The following CEP112 variants were observed in gnomAD, a reference collection of about 807,000 sequenced individuals.
The protein encoded by CEP112 is centrosomal protein of 112 kDa.
Under a neutral mutation model 153.0 loss-of-function variants are expected in CEP112, and 127 were observed. That is an observed-to-expected ratio of 0.83 (90% CI 0.72 to 0.96). The LOEUF (loss-of-function observed/expected upper bound fraction) is 0.96, where lower values mean the gene tolerates loss of function less well. CEP112 is among the 40% of genes least tolerant of loss of function. CEP112 has a pLI of 0.00. For missense variants in CEP112, 1,089 were observed against 1,101.2 expected (o/e 0.99, Z 0.16); for synonymous variants, 358 against 374.4 (o/e 0.96, Z 0.51).
chr17:66,091,777 CA>C (rs2068140685), intron 8 of CEP112, among the ~76,000 whole-genome samples: 1 of 151,452 alleles, frequency 6.6e-6, no homozygotes, highest in Non-Finnish European at 1.5e-5. Context: ...ACAAAATTGA[CA>C]AAACTTTAGC....
chr17:66,029,104 C>T lies in CEP112; in HGVS notation c.1503+19G>A. The T allele has an allele frequency of 6.4e-7, 1 of 1,556,740 alleles. No homozygotes were observed. Among genetic ancestry groups the T allele is most frequent in the East Asian group, 2.3e-5 (1 of 44,378 alleles). On this transcript the variant is annotated intron_variant, in intron 14 of 26. Coordinates refer to ENST00000535342, the MANE Select transcript of CEP112 (RefSeq NM_001199165.4). ...TGAATAAATACTTCATGTGGATTATCTATTAACATAAATAATACCTTAGAA... is the reference window on the plus strand; with the variant it reads ...TGAATAAATACTTCATGTGGATTATTTATTAACATAAATAATACCTTAGAA...
chr17:66,096,680 T>A (rs2068360542), intron 6 of CEP112, 48 bp from the exon 7 acceptor site: 2 of 1,180,826 alleles, frequency 1.7e-6, no homozygotes, highest in Non-Finnish European at 1.2e-6. Flanking sequence ...AATTTTGGAG[T>A]TTTAATTATT....
At chr17:66,057,209 C>A (rs891556328) in intron 11 of CEP112, among the ~76,000 whole-genome samples, 4 of 152,112 alleles carry the variant, frequency 2.6e-5, no homozygotes, top group African/African-American at 9.7e-5. Flanking sequence ...TACAGGTGAT[C>A]TAGGCAAGAG....
chr17:65,656,391 G>T (rs1246810863), intron 24 of CEP112, among the ~76,000 whole-genome samples: 1 of 152,208 alleles, frequency 6.6e-6, no homozygotes, highest in Non-Finnish European at 1.5e-5. Flanking sequence ...GTTTGGGTTA[G>T]ATTTTCTGTC....
chr17:65,686,863 A>AGT (rs1234209938), intron 24 of CEP112, among the ~76,000 whole-genome samples: 2 of 79,240 alleles, frequency 2.5e-5, no homozygotes, highest in African/African-American at 2.8e-4. Context: ...ATTGCTATCC[A>AGT]GTTTTTTTTT....
intron 21 of CEP112, among the ~76,000 whole-genome samples, chr17:65,821,113 G>GAA (rs58515818): frequency 6.8e-6 from 1 of 146,382 alleles, no homozygotes. Flanking sequence ...AATACATTCT[G>GAA]AAAAAAAAAA....
rs937173183 is a variant in CEP112 at position 66,150,501 on chromosome 17, G to A, written c.471-17738C>T. On this transcript the variant is annotated intron_variant, in intron 4 of 26. Transcript: ENST00000535342. ...CTGCCTCATCCTCCCAAACTGCTGG[G>A]ATTATAGGCGTGAGCCATCGCACCC... Among the ~76,000 whole-genome samples the A allele has an allele frequency of 2.0e-5, 3 of 152,206 alleles. No individual in the cohort carries two copies. The South Asian group carries it at 6.2e-4, about 31-fold the overall frequency.
chr17:65,752,701 G>C (rs1397239144), intron 21 of CEP112, among the ~76,000 whole-genome samples: 1 of 152,064 alleles, frequency 6.6e-6, no homozygotes, highest in East Asian at 1.9e-4. Context: ...CCTTCCCAAA[G>C]TTCTACCACA....
At chr17:65,764,424 AG>A in intron 21 of CEP112, among the ~76,000 whole-genome samples, 1 of 152,364 alleles carries the variant, frequency 6.6e-6, no homozygotes, top group African/African-American at 2.4e-5. Flanking sequence ...TTATATATTT[AG>A]GTGCTCTAAT....
chr17:65,705,628 G>A (rs1598359794), intron 23 of CEP112, among the ~76,000 whole-genome samples: 1 of 152,156 alleles, frequency 6.6e-6, no homozygotes, highest in Admixed American at 6.5e-5. Flanking sequence ...AAGGAAGCAG[G>A]CAGATAAATC....
In CEP112 at chr17:65,636,058, T is replaced by C. The variant is rs1598147956; in HGVS notation, c.2865-84A>G. Reference sequence around the variant, plus strand: ...AAAATAAGCTTCAATTCTGGAGAAGTTGATAGGGGTTGAAAAGGCTATTTG... The same window carrying C: ...AAAATAAGCTTCAATTCTGGAGAAGCTGATAGGGGTTGAAAAGGCTATTTG... On this transcript the variant is annotated intron_variant, in intron 26 of 26. Transcript: ENST00000535342. 10 of 1,330,824 alleles carry C rather than the reference T, an allele frequency of 7.5e-6. 1 individual carries two copies. In the Admixed American group the frequency reaches 1.2e-4, roughly 16 times the overall value. 82.4% of individuals were successfully genotyped at this position (1,330,824 alleles called of 1,614,324 possible). A position where few individuals can be genotyped will look rare whatever the true frequency, so the allele number is the denominator to read the frequency against.
intron 21 of CEP112, chr17:65,804,380 T>C (rs753140938): frequency 6.6e-6 from 1 of 152,182 alleles, no homozygotes; most frequent in Admixed American, 6.5e-5. Flanking sequence ...GATGAATACA[T>C]CTAATTACTC....
At chr17:66,106,035 T>C (rs1282281776) in intron 6 of CEP112, among the ~76,000 whole-genome samples, 1 of 151,894 alleles carries the variant, frequency 6.6e-6, no homozygotes, top group Non-Finnish European at 1.5e-5. Context: ...AAATTAAATA[T>C]GCTCCTGAAT....
At chr17:65,998,173 G>A (rs1307351907) in intron 17 of CEP112, among the ~76,000 whole-genome samples, 1 of 151,832 alleles carries the variant, frequency 6.6e-6, no homozygotes, top group Non-Finnish European at 1.5e-5. Context: ...TTGAGCTCAG[G>A]AGTTTGAGAC....
At chr17:66,074,444 T>A (rs7210420) in intron 8 of CEP112, among the ~76,000 whole-genome samples, 18 of 152,168 alleles carry the variant, frequency 1.2e-4, no homozygotes, top group Admixed American at 9.2e-4. Context: ...TGGCCAAAAA[T>A]TTCCCAAGTT....
chr17:65,875,962 GTT>G (rs1313452372), intron 20 of CEP112, among the ~76,000 whole-genome samples: 1 of 152,178 alleles, frequency 6.6e-6, no homozygotes, highest in Non-Finnish European at 1.5e-5. Context: ...GTTTCTGGCA[GTT>G]TTTTGTTTCT....
chr17:65,915,787 CAAAAAAAAAAAAA>C (rs755351021), intron 19 of CEP112, among the ~76,000 whole-genome samples: 10 of 56,588 alleles, frequency 1.8e-4, no homozygotes, highest in African/African-American at 6.1e-4. Flanking sequence ...GACTCAAACT[CAAAAAAAAAAAAA>C]AAAAAAAAGA....
Position 66,027,518 on chromosome 17 carries a change from GT to G in CEP112, c.1638del (p.Lys546AsnfsTer33). 1 of 1,332,422 alleles carries G rather than the reference GT, an allele frequency of 7.5e-7. No individual in the cohort carries two copies. Among genetic ancestry groups the G allele is most frequent in the Admixed American group, 3.0e-5 (1 of 33,370 alleles). The allele number at this position is 1,332,422 out of a possible 1,614,324, so 82.5% of individuals were successfully genotyped here. A position where few individuals can be genotyped will look rare whatever the true frequency, so the allele number is the denominator to read the frequency against. ...NKFQMEKSHL[K>X]HIYEKKAHDL... The stretch of plus-strand genomic sequence containing the variant: ...CATATTACCTTTTTTTCATAGATGT[GT>G]TTTAAATGACTTTTCTCCATCTGAA... On this transcript the variant is annotated frameshift_variant, in exon 16 of 27. Coordinates refer to ENST00000535342, the MANE Select transcript of CEP112 (RefSeq NM_001199165.4). LOFTEE classifies it high-confidence loss of function.
intron 12 of CEP112, among the ~76,000 whole-genome samples, chr17:66,030,421 T>C (rs2065414919): frequency 6.6e-6 from 1 of 152,202 alleles, no homozygotes. Flanking sequence ...TTTTAAGTTT[T>C]TGAAATGTGT....
Sources: allele counts gnomAD v4.1 joint callset (sites outside exome capture counted in the v4.1 genomes callset), GRCh38; gene constraint gnomAD v4.1.1; transcripts MANE v1.5; gene names NCBI Gene and HGNC (gene_info 2026-07-23, HGNC 2026-07-21).